The following SLFN12L variants were observed in gnomAD, a reference collection of about 807,000 sequenced individuals.
SLFN12L encodes the protein schlafen family member 12-like.
Under a neutral mutation model 34.8 loss-of-function variants are expected in SLFN12L, and 34 were observed. The observed-to-expected ratio is 0.98, with a 90% CI of 0.74 to 1.30. The LOEUF is 1.30. SLFN12L is among the 50% of genes most tolerant of loss of function. The pLI is 0.00. For synonymous variants in SLFN12L, 259 were observed against 247.5 expected (o/e 1.05, Z -0.44); for missense variants, 703 against 696.2 (o/e 1.01, Z -0.11).
At position 35,464,281 on chromosome 17, in the gene SLFN12L, T is replaced by A. The variant is rs2142114734; in HGVS notation, c.*10642A>T. 6.6e-6 allele frequency: 1 copy of A among 152,330 alleles called. No homozygotes were observed. Among genetic ancestry groups the A allele is most frequent in the East Asian group, 1.9e-4 (1 of 5,188 alleles). 9.4% of individuals were successfully genotyped at this position (152,330 alleles called of 1,614,324 possible). ...TAGATAAAATTTTTGTTAATTTTTATTTTAGGTTTGGGGGCGCATGTGAAG... is the reference window on the plus strand; with the variant it reads ...TAGATAAAATTTTTGTTAATTTTTAATTTAGGTTTGGGGGCGCATGTGAAG... On this transcript the variant is annotated 3_prime_UTR_variant, in exon 5 of 5. Transcript: ENST00000628453.
Position 35,479,624 on chromosome 17 carries a change from CCATG to C in SLFN12L, c.654_657del (p.Asn218LysfsTer20). On this transcript the variant is annotated frameshift_variant, in exon 3 of 5. Coordinates refer to ENST00000628453, the MANE Select transcript of SLFN12L (RefSeq NM_001363830.2). LOFTEE classifies it high-confidence loss of function. ...TTAAAAAAATCAGCAGCCAAGGCTT[CCATG>C]TTACTTTCTTCTTGTACATCAACAC... 1 of 1,611,284 alleles carries C rather than the reference CCATG, an allele frequency of 6.2e-7. No homozygotes were observed. The highest frequency in any genetic ancestry group is 8.5e-7 in the Non-Finnish European group (1 of 1,178,592).
chr17:35,509,071 TG>T (rs1915556011), intron 2 of SLFN12L, among the ~76,000 whole-genome samples: 2 of 152,178 alleles, frequency 1.3e-5, no homozygotes, highest in Admixed American at 1.3e-4. Context: ...AAATTAAGTA[TG>T]GCTGGAGTTA....
In SLFN12L at chr17:35,475,304, A is replaced by G; in HGVS notation, c.1458T>C (p.Asp486=). The G allele has an allele frequency of 6.2e-7, 1 of 1,614,230 alleles. No homozygotes were observed. Among genetic ancestry groups the G allele is most frequent in the Non-Finnish European group, 8.5e-7 (1 of 1,180,038 alleles). The change falls in exon 5 of 5, where the codon GAT becomes GAC. Residue 486 remains aspartate, a synonymous_variant. Coordinates refer to ENST00000628453, the MANE Select transcript of SLFN12L (RefSeq NM_001363830.2). ...GLQENHKVLC[D]ALLISQDKPP... ...GCTTGTCCTGGGAAATCAGAAGAGC[A>G]TCACAGAGGACTTTGTGGTTCTCTT...
chr17:35,526,886 C>G (rs2072340804), intron 1 of SLFN12L, among the ~76,000 whole-genome samples: 2 of 151,698 alleles, frequency 1.3e-5, no homozygotes, highest in Non-Finnish European at 2.9e-5. Context: ...CATAGAGACA[C>G]AAAAACCCCT....
intron 2 of SLFN12L, among the ~76,000 whole-genome samples, chr17:35,521,256 G>A (rs1362926660): frequency 6.6e-6 from 1 of 152,122 alleles, no homozygotes; most frequent in Non-Finnish European, 1.5e-5. Context: ...GAACAGACAA[G>A]CAGAGTAGGA....
At chr17:35,526,055 A>G (rs113410192) in intron 1 of SLFN12L, among the ~76,000 whole-genome samples, 3 of 152,342 alleles carry the variant, frequency 2.0e-5, no homozygotes, top group African/African-American at 7.2e-5. Flanking sequence ...AGGGGTTTCA[A>G]TCTTAGTCTC....
At chr17:35,483,767 T>C (rs889794320) in intron 2 of SLFN12L, among the ~76,000 whole-genome samples, 4 of 152,136 alleles carry the variant, frequency 2.6e-5, no homozygotes, top group Non-Finnish European at 5.9e-5. Flanking sequence ...GAGAGTAAAG[T>C]CCATCATAGG....
chr17:35,480,517 G>C, intron 2 of SLFN12L: 1 of 216,154 alleles, frequency 4.6e-6, no homozygotes, highest in Non-Finnish European at 9.0e-6. Flanking sequence ...GTAAATCCCT[G>C]GAGGGATTCT....
In SLFN12L at chr17:35,535,614, G is replaced by A. The variant is rs972097112; in HGVS notation, c.-606+1959C>T. ...CAGTCCTCCCACCTCAGCCTCCCAAGTAGCTGGGACTACAGGTGTACGCCA... is the reference window on the plus strand; with the variant it reads ...CAGTCCTCCCACCTCAGCCTCCCAAATAGCTGGGACTACAGGTGTACGCCA... On this transcript the variant is annotated intron_variant, in intron 1 of 4. Transcript: ENST00000628453. 2.6e-5 allele frequency among the ~76,000 whole-genome samples: 4 copies of A among 151,870 alleles called. No individual in the cohort carries two copies. In the East Asian group the frequency reaches 7.7e-4, roughly 29 times the overall value.
chr17:35,492,950 C>T (rs1914895710), intron 2 of SLFN12L, among the ~76,000 whole-genome samples: 1 of 89,472 alleles, frequency 1.1e-5, no homozygotes, highest in Non-Finnish European at 2.2e-5. Flanking sequence ...TTGAAAATAT[C>T]CCTTAGGGGA....
intron 1 of SLFN12L, among the ~76,000 whole-genome samples, chr17:35,529,543 A>T (rs2072370400): frequency 6.6e-6 from 1 of 152,206 alleles, no homozygotes; most frequent in African/African-American, 2.4e-5. Flanking sequence ...ATTGCTTTGC[A>T]GGGACATGGA....
chr17:35,518,363 C>G (rs907464790), intron 2 of SLFN12L, among the ~76,000 whole-genome samples: 1 of 152,050 alleles, frequency 6.6e-6, no homozygotes, highest in African/African-American at 2.4e-5. Flanking sequence ...ACCACCCTGG[C>G]CAACACGGTG....
intron 1 of SLFN12L, among the ~76,000 whole-genome samples, chr17:35,526,648 C>A (rs2072338052): frequency 6.6e-6 from 1 of 152,168 alleles, no homozygotes; most frequent in African/African-American, 2.4e-5. Context: ...TAAAGACGTT[C>A]TTCATAACCA....
intron 2 of SLFN12L, among the ~76,000 whole-genome samples, chr17:35,493,817 CAATT>C (rs1914935204): frequency 6.6e-6 from 1 of 152,136 alleles, no homozygotes; most frequent in Admixed American, 6.5e-5. Context: ...ACAAAAATAG[CAATT>C]AATTTGTAAA....
intron 1 of SLFN12L, among the ~76,000 whole-genome samples, chr17:35,529,681 C>A (rs1414082588): frequency 6.9e-6 from 1 of 145,644 alleles, no homozygotes; most frequent in African/African-American, 2.6e-5. Flanking sequence ...ACATCACACA[C>A]TGGGGCATAT....
chr17:35,529,277 G>T (rs2072367688), intron 1 of SLFN12L, among the ~76,000 whole-genome samples: 1 of 152,222 alleles, frequency 6.6e-6, no homozygotes, highest in Non-Finnish European at 1.5e-5. Context: ...CATTGTGGAA[G>T]ACAGTGTGGC....
rs1012535256 is a variant in SLFN12L at position 35,470,070 on chromosome 17, A to G, written c.*4853T>C. The G allele has an allele frequency of 6.6e-6, 1 of 152,268 alleles. No homozygotes were observed. Among genetic ancestry groups the G allele is most frequent in the African/African-American group, 2.4e-5 (1 of 41,468 alleles). 9.4% of individuals were successfully genotyped at this position (152,268 alleles called of 1,614,324 possible). A position where few individuals can be genotyped will look rare whatever the true frequency, so the allele number is the denominator to read the frequency against. On this transcript the variant is annotated 3_prime_UTR_variant, in exon 5 of 5. Transcript: ENST00000628453. ...AGTCTTTTTTCAATGGCGCTAGTCC[A>G]TCTGTGTTGACACTCAGTCACCTCC...
chr17:35,510,249 T>C (rs944895072), intron 2 of SLFN12L: 4 of 152,248 alleles, frequency 2.6e-5, no homozygotes, highest in African/African-American at 7.2e-5. Context: ...ATTCCGCTTC[T>C]AGACATAAAT....
rs67338337 is a variant in SLFN12L at position 35,470,836 on chromosome 17, G to A, written c.*4087C>T. ...CTCTCCCCACCCCACAACAGGCCCT[G>A]GTGTGTGTTAATCCTTTCCCTGTGT... On this transcript the variant is annotated 3_prime_UTR_variant, in exon 5 of 5. Transcript: ENST00000628453. Among the ~76,000 whole-genome samples, 29,623 of 151,550 alleles carry A rather than the reference G, an allele frequency of 0.2. 3,287 individuals carry two copies. The highest frequency in any genetic ancestry group is 0.31 in the Middle Eastern group (90 of 294).
Sources: gnomAD v4.1 joint callset for allele counts (sites outside exome capture counted in the v4.1 genomes callset) on GRCh38, gnomAD v4.1.1 for gene constraint, MANE v1.5 for transcripts, NCBI Gene and HGNC (gene_info 2026-07-23, HGNC 2026-07-21) for gene names.